Variants in ERLIN1 observed in about 807,000 individuals in gnomAD.
The protein encoded by ERLIN1 is ER lipid raft associated 1, also known as erlin-1.
ERLIN1 carries 24 observed loss-of-function variants against 46.9 expected under a neutral mutation model. That is an observed-to-expected ratio of 0.51 (90% CI 0.37 to 0.72). The LOEUF (loss-of-function observed/expected upper bound fraction) is 0.72, where lower values mean the gene tolerates loss of function less well. Ranked by LOEUF, ERLIN1 falls within the 30% of genes least tolerant of loss-of-function variation. The pLI is 0.00. For synonymous variants in ERLIN1, 158 were observed against 143.2 expected (o/e 1.10, Z -0.74); for missense variants, 293 against 417.9 (o/e 0.70, Z 2.61).
At chr10:100,180,105 TA>T (rs1844550902) in intron 2 of ERLIN1, among the ~76,000 whole-genome samples, 2 of 152,340 alleles carry the variant, frequency 1.3e-5, no homozygotes, top group African/African-American at 4.8e-5. Flanking sequence ...TCCTTTTTAA[TA>T]GAAGTGCTAC....
chr10:100,183,723 C>T (rs111635996), intron 2 of ERLIN1, 33 bp downstream of exon 2: 2 of 1,456,702 alleles, frequency 1.4e-6, no homozygotes, highest in Admixed American at 1.8e-5. Context: ...GCCTGTCTAT[C>T]TGGTATGGAG....
intron 7 of ERLIN1, among the ~76,000 whole-genome samples, chr10:100,166,222 C>T (rs141748040): frequency 1.1e-4 from 16 of 152,228 alleles, no homozygotes; most frequent in African/African-American, 3.4e-4. Flanking sequence ...GAGTTTGAGA[C>T]CAGGCTGGGC....
At chr10:100,160,031 A>C (rs915459497) in intron 8 of ERLIN1, among the ~76,000 whole-genome samples, 4 of 152,156 alleles carry the variant, frequency 2.6e-5, no homozygotes, top group Non-Finnish European at 4.4e-5. Flanking sequence ...AAAAGGCACA[A>C]GAAAACAGTA....
At chr10:100,183,872 A>G (rs1447707673) in intron 1 of ERLIN1, 35 bp from the exon 2 acceptor site, 2 of 1,461,286 alleles carry the variant, frequency 1.4e-6, no homozygotes, top group African/African-American at 2.8e-5. Context: ...CAAAATTATA[A>G]AAAGAAAAAT....
rs993411581 is a variant in ERLIN1, at chr10:100,178,026, A to C, written c.304+107T>G. On this transcript the variant is annotated intron_variant, in intron 4 of 10. Transcript: ENST00000421367. ...CCCAGAAATTTATTAATCAGTGATCAATGAAGTCATAAAACTTTCAAAGTA... is the reference window on the plus strand; with the variant it reads ...CCCAGAAATTTATTAATCAGTGATCCATGAAGTCATAAAACTTTCAAAGTA... 20 of 733,776 alleles carry C rather than the reference A, an allele frequency of 2.7e-5. No individual in the cohort carries two copies. The African/African-American group carries it at 3.0e-4, about 11-fold the overall frequency. 45.5% of individuals were successfully genotyped at this position (733,776 alleles called of 1,614,324 possible).
intron 6 of ERLIN1, among the ~76,000 whole-genome samples, chr10:100,170,975 T>C (rs1843959076): frequency 6.6e-6 from 1 of 152,208 alleles, no homozygotes; most frequent in Admixed American, 6.5e-5. Flanking sequence ...TATTCAGTAA[T>C]TACCGCTGTT....
At position 100,152,342 on chromosome 10, in the gene ERLIN1, G is replaced by A. The variant is rs552222409; in HGVS notation, c.836C>T (p.Thr279Ile). 10 of 1,608,626 alleles carry A rather than the reference G, an allele frequency of 6.2e-6. No homozygotes were observed. The East Asian group carries it at 2.0e-4, about 32-fold the overall frequency. Residue 279 changes from threonine to isoleucine, a missense_variant, in exon 11 of 11, where the codon ACC (threonine) becomes ATC (isoleucine). Transcript: ENST00000421367. ...CTTTTTGAGCTCCAGATATTCCGGG[G>A]TCAACTTGTGCTGTGTGGGAGCAAA... ...KYATSNKHKL[T>I]PEYLELKKYQ...
chr10:100,163,307 A>G (rs1843458374), intron 8 of ERLIN1, among the ~76,000 whole-genome samples: 1 of 151,914 alleles, frequency 6.6e-6, no homozygotes, highest in African/African-American at 2.4e-5. Flanking sequence ...AGTTAATCTG[A>G]GAAGAAAAGT....
intron 2 of ERLIN1, among the ~76,000 whole-genome samples, chr10:100,182,158 GT>G (rs202238113): frequency 0.027 from 4,026 of 148,958 alleles, 73 homozygotes; most frequent in Middle Eastern, 0.056. Flanking sequence ...GATCTACCTG[GT>G]TTTGAACAAG....
At chr10:100,172,130 G>C (rs1457247560) in intron 6 of ERLIN1, among the ~76,000 whole-genome samples, 1 of 152,126 alleles carries the variant, frequency 6.6e-6, no homozygotes, top group Non-Finnish European at 1.5e-5. Context: ...CATGCATACA[G>C]TAGTAAAAAA....
intron 2 of ERLIN1, among the ~76,000 whole-genome samples, chr10:100,181,250 T>C (rs12358320): frequency 1.3e-5 from 2 of 152,196 alleles, no homozygotes; most frequent in Non-Finnish European, 2.9e-5. Context: ...TATATTTCTT[T>C]TATGTCCTCT....
At chr10:100,155,503 TA>T (rs1413674302) in intron 9 of ERLIN1, among the ~76,000 whole-genome samples, 18 of 151,820 alleles carry the variant, frequency 1.2e-4, no homozygotes, top group African/African-American at 3.9e-4. Flanking sequence ...TGATGGGGTT[TA>T]TTTATTTTTA....
At chr10:100,178,231 C>T in intron 3 of ERLIN1, 37 bp from the exon 4 acceptor site, 1 of 1,360,114 alleles carries the variant, frequency 7.4e-7, no homozygotes, top group Non-Finnish European at 1.0e-6. Flanking sequence ...CTACTAAAGG[C>T]AATCCATAAA....
At chr10:100,171,208 C>G (rs986050454) in intron 6 of ERLIN1, among the ~76,000 whole-genome samples, 1 of 151,994 alleles carries the variant, frequency 6.6e-6, no homozygotes, top group Non-Finnish European at 1.5e-5. Flanking sequence ...ACTGAAATTA[C>G]TATGTAAAAC....
chr10:100,155,073 C>A (rs893225444), intron 9 of ERLIN1, 134 bp from the exon 10 acceptor site: 4 of 684,304 alleles, frequency 5.8e-6, no homozygotes, highest in Non-Finnish European at 1.0e-5. Context: ...TTTCAAGTCC[C>A]AGTCCCCAAA....
chr10:100,151,932 A>G lies in ERLIN1; in HGVS notation c.*199T>C, dbSNP rs1842819771. 4.7e-6 allele frequency: 3 copies of G among 634,314 alleles called. No individual in the cohort carries two copies. The highest frequency in any genetic ancestry group is 1.8e-5 in the African/African-American group (1 of 55,200). The allele number at this position is 634,314 out of a possible 1,614,324, so 39.3% of individuals were successfully genotyped here. A position where few individuals can be genotyped will look rare whatever the true frequency, so the allele number is the denominator to read the frequency against. On this transcript the variant is annotated 3_prime_UTR_variant, in exon 11 of 11. Coordinates refer to ENST00000421367, the MANE Select transcript of ERLIN1 (RefSeq NM_006459.4). The stretch of plus-strand genomic sequence containing the variant: ...AGGAATACATATAGGATACTTGATA[A>G]GACTGTGGCTGAAAAGACCATTTGT...
At chr10:100,181,896 T>TA (rs1356174745) in intron 2 of ERLIN1, among the ~76,000 whole-genome samples, 1 of 152,222 alleles carries the variant, frequency 6.6e-6, no homozygotes, top group Admixed American at 6.5e-5. Flanking sequence ...CATTCCTATT[T>TA]AGTCACACTG....
intron 6 of ERLIN1, among the ~76,000 whole-genome samples, chr10:100,170,562 G>A (rs564758690): frequency 1.3e-5 from 2 of 152,290 alleles, no homozygotes; most frequent in Admixed American, 6.5e-5. Context: ...GAAGACAGGC[G>A]GCTACTGCTA....
intron 2 of ERLIN1, among the ~76,000 whole-genome samples, chr10:100,179,538 C>T (rs1278600714): frequency 6.6e-6 from 1 of 151,762 alleles, no homozygotes; most frequent in African/African-American, 2.4e-5. Flanking sequence ...CTCACTGCAA[C>T]CTCTGCCTCC....
Sources: allele counts gnomAD v4.1 joint callset (sites outside exome capture counted in the v4.1 genomes callset), GRCh38; gene constraint gnomAD v4.1.1; transcripts MANE v1.5; gene names NCBI Gene and HGNC (gene_info 2026-07-23, HGNC 2026-07-21).